MED27: variants seen among roughly 807,000 people sequenced by gnomAD.
The protein encoded by MED27 is mediator complex subunit 27.
A neutral mutation model predicts 38.2 loss-of-function variants in MED27; 30 were observed. That is an observed-to-expected ratio of 0.79 (90% CI 0.59 to 1.07). The LOEUF (loss-of-function observed/expected upper bound fraction) is 1.07. Ranked by LOEUF, MED27 falls within the 50% of genes least tolerant of loss-of-function variation. The probability of loss-of-function intolerance (pLI) is 0.00; values close to 1 mark genes in which losing one functional copy is unlikely to be tolerated. For synonymous variants in MED27, 122 were observed against 153.5 expected, an observed-to-expected ratio of 0.79 and a Z score of 1.52; for missense variants, 289 against 397.5, an observed-to-expected ratio of 0.73 and a Z score of 2.32.
intron 3 of MED27, among the ~76,000 whole-genome samples, chr9:131,944,469 A>G (rs1830844815): frequency 6.6e-6 from 1 of 151,966 alleles, no homozygotes; most frequent in African/African-American, 2.4e-5. Context: ...TCTGGGGTCC[A>G]TGAATGGACT....
intron 3 of MED27, among the ~76,000 whole-genome samples, chr9:131,985,429 T>C (rs567841079): frequency 2.1e-4 from 32 of 152,248 alleles, no homozygotes; most frequent in Non-Finnish European, 4.1e-4. Context: ...AAGTGTCGCA[T>C]AACAGTGTTT....
chr9:132,014,155 T>C (rs192378448), intron 3 of MED27, among the ~76,000 whole-genome samples, 182 bp downstream of exon 3: 2 of 151,926 alleles, frequency 1.3e-5, no homozygotes, highest in Non-Finnish European at 2.9e-5. Flanking sequence ...GGGCAGAGGT[T>C]GCAGTGAGCC....
chr9:132,020,985 G>A (rs761297629), intron 2 of MED27, among the ~76,000 whole-genome samples: 15 of 152,256 alleles, frequency 9.9e-5, no homozygotes, highest in South Asian at 2.1e-4. Context: ...CTGGAAGCTC[G>A]GTTTCACAGC....
intron 4 of MED27, among the ~76,000 whole-genome samples, chr9:131,895,904 GT>G (rs112200736): frequency 7.4e-4 from 107 of 145,122 alleles, no homozygotes; most frequent in Admixed American, 3.0e-3. Flanking sequence ...AGTTATAGTT[GT>G]TTTTTTTTTT....
chr9:132,003,220 A>T lies in MED27; in HGVS notation c.479+11117T>A, dbSNP rs1832283227. Reference sequence around the variant, plus strand: ...ACCAGACAGCTGTCTTCCTGGATAAAATCACCTTGTAAAGGAGAAATGCAA... The same window carrying T: ...ACCAGACAGCTGTCTTCCTGGATAATATCACCTTGTAAAGGAGAAATGCAA... On this transcript the variant is annotated intron_variant, in intron 3 of 7. Coordinates refer to ENST00000292035, the MANE Select transcript of MED27 (RefSeq NM_004269.4). This position sits in a 1 kb window ranked among gnomAD's most constrained non-coding sequence, Gnocchi z 4.2. Among the ~76,000 whole-genome samples the T allele has an allele frequency of 6.6e-6, 1 of 152,242 alleles. No homozygotes were observed. Among genetic ancestry groups the T allele is most frequent in the South Asian group, 2.1e-4 (1 of 4,834 alleles).
At chr9:132,000,094 AAAATCACTTTT>A (rs1480266708) in intron 3 of MED27, among the ~76,000 whole-genome samples, 1 of 143,562 alleles carries the variant, frequency 7.0e-6, no homozygotes, top group African/African-American at 2.7e-5. Context: ...GATCAAAAGT[AAAATCACTTTT>A]GATCAAAAGT....
intron 3 of MED27, among the ~76,000 whole-genome samples, chr9:131,985,978 A>C (rs1418465598): frequency 6.6e-6 from 1 of 152,122 alleles, no homozygotes; most frequent in African/African-American, 2.4e-5. Flanking sequence ...AAAATAAATA[A>C]AATAAAACAA....
At chr9:131,927,314 T>C (rs1245428610) in intron 4 of MED27, among the ~76,000 whole-genome samples, 2 of 152,184 alleles carry the variant, frequency 1.3e-5, no homozygotes, top group African/African-American at 4.8e-5. Context: ...CTACAGTTGA[T>C]TACCTAAGGC....
At chr9:131,991,152 T>C (rs1270730042) in intron 3 of MED27, among the ~76,000 whole-genome samples, 1 of 152,128 alleles carries the variant, frequency 6.6e-6, no homozygotes, top group East Asian at 1.9e-4. Context: ...GAGGCAGCCA[T>C]ACAAAACAAC....
At chr9:132,016,419 G>T (rs1362221773) in intron 2 of MED27, among the ~76,000 whole-genome samples, 1 of 152,094 alleles carries the variant, frequency 6.6e-6, no homozygotes, top group Non-Finnish European at 1.5e-5. Flanking sequence ...CTCTTTTCAG[G>T]GTAGAAAGGG....
At chr9:131,957,771 T>C (rs1272301248) in intron 3 of MED27, among the ~76,000 whole-genome samples, 1 of 151,936 alleles carries the variant, frequency 6.6e-6, no homozygotes. Flanking sequence ...CCATGCACCA[T>C]ATATGAACTC....
chr9:132,074,543 T>C (rs988590294), intron 2 of MED27, among the ~76,000 whole-genome samples: 7 of 152,232 alleles, frequency 4.6e-5, no homozygotes, highest in Non-Finnish European at 1.0e-4. Flanking sequence ...TTAAACTCTT[T>C]GAGGGTAAAA....
intron 3 of MED27, among the ~76,000 whole-genome samples, chr9:132,013,604 G>T (rs1004124110): frequency 6.6e-6 from 1 of 152,096 alleles, no homozygotes; most frequent in African/African-American, 2.4e-5. Flanking sequence ...AAATGTGAAC[G>T]AATGAACCTA....
At chr9:132,007,312 A>G (rs1207837238) in intron 3 of MED27, among the ~76,000 whole-genome samples, 2 of 152,234 alleles carry the variant, frequency 1.3e-5, no homozygotes, top group Non-Finnish European at 2.9e-5. Flanking sequence ...ACAAATGCAA[A>G]CGCTGAGGAA....
intron 2 of MED27, among the ~76,000 whole-genome samples, chr9:132,034,068 C>T (rs1156473456): frequency 2.0e-5 from 3 of 152,106 alleles, no homozygotes; most frequent in Non-Finnish European, 4.4e-5. Flanking sequence ...AATACAGCCC[C>T]GTATGAATAG....
chr9:131,935,961 C>A (rs1171450529), intron 4 of MED27, among the ~76,000 whole-genome samples: 1 of 151,476 alleles, frequency 6.6e-6, no homozygotes, highest in Non-Finnish European at 1.5e-5. Context: ...ACCAGCCTGC[C>A]GTCTCTACAA....
At chr9:132,040,786 C>T (rs567221196) in intron 2 of MED27, among the ~76,000 whole-genome samples, 82 of 152,336 alleles carry the variant, frequency 5.4e-4, no homozygotes, top group Non-Finnish European at 9.3e-4. Flanking sequence ...CCAGCACACA[C>T]GGCAGGATAT....
At chr9:131,895,250 C>A (rs1168254111) in intron 4 of MED27, among the ~76,000 whole-genome samples, 1 of 152,158 alleles carries the variant, frequency 6.6e-6, no homozygotes, top group Non-Finnish European at 1.5e-5. Context: ...TATATGAGAA[C>A]CTGGACGCAG....
At chr9:132,021,157 G>A (rs1026193679) in intron 2 of MED27, among the ~76,000 whole-genome samples, 17 of 152,202 alleles carry the variant, frequency 1.1e-4, no homozygotes, top group African/African-American at 4.1e-4. Flanking sequence ...AAACAGAGAC[G>A]ATGGATAGCA....
Sources: allele counts gnomAD v4.1 joint callset (sites outside exome capture counted in the v4.1 genomes callset), GRCh38; gene constraint gnomAD v4.1.1; non-coding constraint Gnocchi (gnomAD v3.1); transcripts MANE v1.5; gene names NCBI Gene and HGNC (gene_info 2026-07-23, HGNC 2026-07-21).